The following LRRD1 variants were observed in gnomAD, a reference collection of about 807,000 sequenced individuals.
The protein encoded by LRRD1 is leucine rich repeats and death domain containing 1, also known as leucine-rich repeat and death domain-containing protein 1.
In LRRD1, 49 loss-of-function variants were observed where a neutral mutation model predicts 69.5. That is an observed-to-expected ratio of 0.70 (90% CI 0.56 to 0.89). LRRD1 has a LOEUF of 0.89. Among genes scored for constraint, LRRD1 ranks in the 40% least tolerant of loss-of-function variants. The pLI is 0.00. For synonymous variants in LRRD1, 303 were observed against 338.9 expected (o/e 0.89, Z 1.16); for missense variants, 853 against 956.0 (o/e 0.89, Z 1.42).
At chr7:92,178,702 A>G (rs939323160) in intron 1 of LRRD1, 1 of 152,224 alleles carries the variant, frequency 6.6e-6, no homozygotes, top group African/African-American at 2.4e-5. Flanking sequence ...ATACATACAT[A>G]CAAATATTGC....
At chr7:92,158,379 A>G (rs576293021) in intron 3 of LRRD1, among the ~76,000 whole-genome samples, 38 of 151,794 alleles carry the variant, frequency 2.5e-4, no homozygotes, top group African/African-American at 8.7e-4. Context: ...AAATAAACAA[A>G]CAGATAAATA....
chr7:92,172,124 C>CA lies in LRRD1; in HGVS notation c.-74-6849dup, dbSNP rs748076173. On this transcript the variant is annotated intron_variant, in intron 1 of 5. Coordinates refer to ENST00000458448, the MANE Select transcript of LRRD1 (RefSeq NM_001161528.2). ...TGACAGAGTGAGACCAACCCTGTAT[C>CA]AAAAAAAAGAAAAAACAAACAAAAC... is the stretch of plus-strand genomic sequence containing the variant. Among the ~76,000 whole-genome samples, 34 of 151,056 alleles carry CA rather than the reference C, an allele frequency of 2.3e-4. 1 individual carries two copies. Among genetic ancestry groups the CA allele is most frequent in the East Asian group, 3.9e-4 (2 of 5,154 alleles).
intron 4 of LRRD1, among the ~76,000 whole-genome samples, chr7:92,150,135 C>T (rs1472097532): frequency 6.6e-6 from 1 of 152,180 alleles, no homozygotes; most frequent in Non-Finnish European, 1.5e-5. Flanking sequence ...GATTGAAAGC[C>T]TCCAATTAAA....
intron 4 of LRRD1, chr7:92,149,927 T>C (rs1820423649): frequency 2.2e-6 from 1 of 456,674 alleles, no homozygotes; most frequent in South Asian, 1.5e-5. Context: ...ATTTTGAGTC[T>C]GGCCACAATC....
At chr7:92,142,411 G>C (rs1820176804), downstream of LRRD1, 1 of 454,290 alleles carries the variant, frequency 2.2e-6, no homozygotes, top group Non-Finnish European at 4.4e-6. Flanking sequence ...GCTCTCGGCA[G>C]ACTACTACAC....
intron 2 of LRRD1, among the ~76,000 whole-genome samples, chr7:92,160,883 TATC>T (rs1788783712): frequency 6.6e-6 from 1 of 152,012 alleles, no homozygotes; most frequent in Non-Finnish European, 1.5e-5. Flanking sequence ...GCAAGATAAA[TATC>T]ATGAATAACA....
At chr7:92,147,125 C>T (rs1288585748) in intron 4 of LRRD1, among the ~76,000 whole-genome samples, 5 of 149,464 alleles carry the variant, frequency 3.3e-5, no homozygotes, top group Admixed American at 6.7e-5. Context: ...AGTGCAATGG[C>T]ATGTGATCTG....
chr7:92,165,329 T>C (rs1706613753), intron 1 of LRRD1, 53 bp from the exon 2 acceptor site: 3 of 448,648 alleles, frequency 6.7e-6, no homozygotes, highest in Admixed American at 3.9e-5. Flanking sequence ...AAATGACAAA[T>C]AAATCTTAAT....
chr7:92,149,699 TTTTATTTATTTA>T (rs200080358), intron 4 of LRRD1, among the ~76,000 whole-genome samples: 2 of 151,612 alleles, frequency 1.3e-5, no homozygotes, highest in Admixed American at 1.3e-4. Flanking sequence ...GCCGAATGTA[TTTTATTTATTTA>T]TTTATTTATT....
downstream of LRRD1, among the ~76,000 whole-genome samples, chr7:92,144,628 C>CA (rs61338977): frequency 0.014 from 1,187 of 85,636 alleles, 21 homozygotes; most frequent in South Asian, 0.028. Context: ...AACTCCATCT[C>CA]AAAAAAAAAA....
chr7:92,158,908 G>A (rs770764709), intron 3 of LRRD1, 97 bp downstream of exon 3: 37 of 926,710 alleles, frequency 4.0e-5, no homozygotes, highest in Non-Finnish European at 5.6e-5. Flanking sequence ...ACCTTATGTT[G>A]ACTCTTTGCC....
intron 3 of LRRD1, among the ~76,000 whole-genome samples, chr7:92,154,406 A>AT (rs1362902768): frequency 7.3e-5 from 11 of 151,598 alleles, no homozygotes; most frequent in African/African-American, 2.7e-4. Context: ...TGCCCAGCTC[A>AT]TTTTTTTGTA....
intron 3 of LRRD1, among the ~76,000 whole-genome samples, chr7:92,151,235 C>T (rs1461375376): frequency 6.6e-6 from 1 of 152,230 alleles, no homozygotes; most frequent in Non-Finnish European, 1.5e-5. Context: ...TCTCATTAGT[C>T]GCCTCTGGTT....
intron 4 of LRRD1, among the ~76,000 whole-genome samples, chr7:92,146,509 C>T (rs147131779): frequency 0.013 from 1,978 of 151,624 alleles, 42 homozygotes; most frequent in African/African-American, 0.045. Flanking sequence ...CCCAGCTACT[C>T]GGGAGGCTGA....
At chr7:92,145,168 A>T in intron 5 of LRRD1, 94 bp from the exon 6 acceptor site, 2 of 689,268 alleles carry the variant, frequency 2.9e-6, no homozygotes, top group Non-Finnish European at 4.0e-6. Context: ...TCAATTAAGA[A>T]CATTGCTTTA....
chr7:92,160,506 T>C (rs529189248), intron 2 of LRRD1, among the ~76,000 whole-genome samples: 2 of 152,230 alleles, frequency 1.3e-5, no homozygotes, highest in South Asian at 2.1e-4. Context: ...ATGTAAAAAG[T>C]AGAACTTGAA....
At chr7:92,142,416 C>T (rs1382703677), downstream of LRRD1, 1 of 456,520 alleles carries the variant, frequency 2.2e-6, no homozygotes, top group South Asian at 1.5e-5. Flanking sequence ...CGGCAGACTA[C>T]TACACACTGT....
Position 92,164,730 on chromosome 7 carries a change from T to A in LRRD1, c.473A>T (p.Lys158Met), listed in dbSNP as rs1325411226. 6.4e-7 allele frequency: 1 copy of A among 1,550,834 alleles called. No homozygotes were observed. The highest frequency in any genetic ancestry group is 8.7e-7 in the Non-Finnish European group (1 of 1,146,718). Residue 158 changes from lysine to methionine, a missense_variant, in exon 2 of 6, where the codon AAG becomes ATG. Lys to Met is a moderately conservative substitution (Grantham distance 95). Coordinates refer to ENST00000458448, the MANE Select transcript of LRRD1 (RefSeq NM_001161528.2). Reference sequence around the variant, plus strand: ...TACATATTTGATTTTTAAAATGTCCTTAGGAAATTCCTGTAAACCCTTGGC... The same window carrying A: ...TACATATTTGATTTTTAAAATGTCCATAGGAAATTCCTGTAAACCCTTGGC... ...LEAKGLQEFPKDILKIKYVKY... is the reference protein window; with the variant it reads ...LEAKGLQEFPMDILKIKYVKY...
chr7:92,159,085 A>G lies in LRRD1; in HGVS notation c.2036T>C (p.Leu679Ser), dbSNP rs765468071. Residue 679 changes from leucine (L) to serine (S), a missense_variant, in exon 3 of 6, where the codon TTA (leucine) becomes TCA (serine). Transcript: ENST00000458448. ...NIGELRNLVSLHAYNNQISYL... is the reference protein window; with the variant it reads ...NIGELRNLVSSHAYNNQISYL... Reference sequence around the variant, plus strand: ...ACTTATTTGATTATTGTATGCATGTAAACTAACCAAATTTCTCAATTCTCC... The same window carrying G: ...ACTTATTTGATTATTGTATGCATGTGAACTAACCAAATTTCTCAATTCTCC... 8.4e-6 allele frequency: 13 copies of G among 1,547,944 alleles called. No homozygotes were observed. Among genetic ancestry groups the G allele is most frequent in the Non-Finnish European group, 1.0e-5 (12 of 1,145,758 alleles).
Sources: gnomAD v4.1 joint callset for allele counts (sites outside exome capture counted in the v4.1 genomes callset) on GRCh38, gnomAD v4.1.1 for gene constraint, MANE v1.5 for transcripts, NCBI Gene and HGNC (gene_info 2026-07-23, HGNC 2026-07-21) for gene names.